The following VWA2 variants were observed in gnomAD, a reference collection of about 807,000 sequenced individuals.
VWA2 encodes the protein von Willebrand factor A domain containing 2, also known as von Willebrand factor A domain-containing protein 2.
A neutral mutation model predicts 70.4 loss-of-function variants in VWA2; 73 were observed. That is an observed-to-expected ratio of 1.04 (90% CI 0.86 to 1.26). The LOEUF is 1.26. Among genes scored for constraint, VWA2 ranks in the 50% most tolerant of loss-of-function variants. The pLI, the probability that VWA2 is intolerant of heterozygous loss-of-function variation, is 0.00. For synonymous variants in VWA2, 407 were observed against 423.3 expected, an observed-to-expected ratio of 0.96 and a Z score of 0.47; for missense variants, 1,011 against 998.5, an observed-to-expected ratio of 1.01 and a Z score of -0.17.
Position 114,277,811 on chromosome 10 carries a change from C to G in VWA2, c.567-103C>G, listed in dbSNP as rs554837108. ...GCTATGGGTCTGACAAAACCAGACACTAAATCTGTGCTGCCATCCACAAGG... is the reference window on the plus strand; with the variant it reads ...GCTATGGGTCTGACAAAACCAGACAGTAAATCTGTGCTGCCATCCACAAGG... On this transcript the variant is annotated intron_variant, in intron 6 of 13. Coordinates refer to ENST00000392982, the MANE Select transcript of VWA2 (RefSeq NM_001272046.2). 8.1e-4 allele frequency: 1,142 copies of G among 1,412,964 alleles called. 28 individuals are homozygous for G. The South Asian group carries it at 0.017, about 21-fold the overall frequency. The allele number at this position is 1,412,964 out of a possible 1,614,324, so 87.5% of individuals were successfully genotyped here.
At chr10:114,256,932 ATTAAG>A in intron 4 of VWA2, among the ~76,000 whole-genome samples, 1 of 144,232 alleles carries the variant, frequency 6.9e-6, no homozygotes, top group Non-Finnish European at 1.5e-5. Flanking sequence ...AAAAAAAAAA[ATTAAG>A]AGATGATGTA....
At chr10:114,283,730 C>T (rs1413304149) in intron 9 of VWA2, among the ~76,000 whole-genome samples, 2 of 152,252 alleles carry the variant, frequency 1.3e-5, no homozygotes, top group Non-Finnish European at 2.9e-5. Flanking sequence ...GTGCTTAGCA[C>T]AGTCCCTGGC....
chr10:114,279,580 G>A (rs942313401), intron 8 of VWA2, among the ~76,000 whole-genome samples: 4 of 152,172 alleles, frequency 2.6e-5, no homozygotes, highest in African/African-American at 9.7e-5. Context: ...TCCAAAGACT[G>A]TTTCTCTGGG....
chr10:114,246,063 G>GCCCCCAC, intron 1 of VWA2: 2 of 526,342 alleles, frequency 3.8e-6, no homozygotes, highest in South Asian at 1.7e-5. Flanking sequence ...TGGACTACCT[G>GCCCCCAC]CCCCCGCCCC....
At chr10:114,272,642 C>T in intron 5 of VWA2, 98 bp from the exon 6 acceptor site, 1 of 1,116,892 alleles carries the variant, frequency 9.0e-7, no homozygotes, top group Non-Finnish European at 1.3e-6. Flanking sequence ...CTACCTTTCG[C>T]TAATAACGGA....
At chr10:114,242,748 A>G (rs1473273982) in intron 1 of VWA2, among the ~76,000 whole-genome samples, 1 of 152,202 alleles carries the variant, frequency 6.6e-6, no homozygotes, top group African/African-American at 2.4e-5. Context: ...TCATCTATAA[A>G]GATGTAAATG....
chr10:114,272,775 A>G lies in VWA2; in HGVS notation c.407A>G (p.Tyr136Cys), dbSNP rs138277706. The G allele has an allele frequency of 6.2e-7, 1 of 1,611,968 alleles. No homozygotes were observed. The highest frequency in any genetic ancestry group is 1.3e-5 in the African/African-American group (1 of 74,796). Residue 136 changes from tyrosine (Y) to cysteine (C), a missense_variant, in exon 6 of 14, where the codon TAC becomes TGC. Coordinates refer to ENST00000392982, the MANE Select transcript of VWA2 (RefSeq NM_001272046.2). ...ACGGAGACGGAACTTGCTCTGAAAT[A>G]CCTTCTGCACAGAGGGTTGCCTGGA... ...GRTETELALK[Y>C]LLHRGLPGGR...
intron 4 of VWA2, among the ~76,000 whole-genome samples, chr10:114,256,982 T>A (rs2037345191): frequency 6.6e-6 from 1 of 151,592 alleles, no homozygotes; most frequent in Non-Finnish European, 1.5e-5. Context: ...GATGAGAGAC[T>A]GGTTGCATAC....
At chr10:114,262,573 A>C (rs1193822027) in intron 5 of VWA2, among the ~76,000 whole-genome samples, 1 of 151,948 alleles carries the variant, frequency 6.6e-6, no homozygotes, top group Non-Finnish European at 1.5e-5. Flanking sequence ...TCCCATTGCA[A>C]AGGCTCTGAG....
chr10:114,250,233 A>G (rs1360954228), intron 2 of VWA2, among the ~76,000 whole-genome samples: 1 of 152,224 alleles, frequency 6.6e-6, no homozygotes, highest in African/African-American at 2.4e-5. Flanking sequence ...ACATTCTTTA[A>G]CATTCTTTAT....
rs597371 is a variant in VWA2, at chr10:114,272,760, A to G, written c.392A>G (p.Glu131Gly). The change falls in exon 6 of 14, where the codon GAA (glutamate) becomes GGA (glycine). Residue 131 changes from glutamate to glycine, a missense_variant. Transcript: ENST00000392982. ...CACAGAGGAGGGCGCACGGAGACGG[A>G]ACTTGCTCTGAAATACCTTCTGCAC... is the stretch of plus-strand genomic sequence containing the variant. ...MVFKGGRTETELALKYLLHRG... is the reference protein window; with the variant it reads ...MVFKGGRTETGLALKYLLHRG... The G allele has an allele frequency of 0.46, 738,828 of 1,608,198 alleles. 175,882 individuals are homozygous for G. The highest frequency in any genetic ancestry group is 0.82 in the African/African-American group (61,355 of 74,730).
chr10:114,288,818 C>T (rs2039224854), intron 11 of VWA2, 120 bp from the exon 12 acceptor site: 2 of 960,840 alleles, frequency 2.1e-6, no homozygotes, highest in African/African-American at 1.6e-5. Context: ...AGGGTGTATT[C>T]TGCAGTGAAC....
rs766979069 is a variant in VWA2 at position 114,254,928 on chromosome 10, G to T, written c.141G>T (p.Ser47=). The part of the protein sequence containing the change: ...ISAASKMMWC[S]AAVDIMFLLD... ...CGCTCTCCCTAGTGATGTGGTGCTCGGCTGCAGTGGACATCATGTTTCTGT... is the reference window on the plus strand; with the variant it reads ...CGCTCTCCCTAGTGATGTGGTGCTCTGCTGCAGTGGACATCATGTTTCTGT... Residue 47 remains serine (S), a synonymous_variant, in exon 4 of 14, where the codon TCG becomes TCT. Coordinates refer to ENST00000392982, the MANE Select transcript of VWA2 (RefSeq NM_001272046.2). The T allele has an allele frequency of 6.2e-7, 1 of 1,613,356 alleles. No individual in the cohort carries two copies. The highest frequency in any genetic ancestry group is 8.5e-7 in the Non-Finnish European group (1 of 1,179,906).
intron 5 of VWA2, among the ~76,000 whole-genome samples, chr10:114,261,817 C>T (rs1162493994): frequency 6.6e-6 from 1 of 152,090 alleles, no homozygotes; most frequent in Non-Finnish European, 1.5e-5. Context: ...AAAGAAATAC[C>T]TGAGGCTGGG....
intron 1 of VWA2, among the ~76,000 whole-genome samples, chr10:114,244,688 T>C (rs188986596): frequency 1.3e-3 from 203 of 152,252 alleles, no homozygotes; most frequent in African/African-American, 4.6e-3. Flanking sequence ...ATTAGTATTG[T>C]AGGAAAATTT....
intron 5 of VWA2, among the ~76,000 whole-genome samples, chr10:114,269,885 G>A (rs997189641): frequency 4.6e-5 from 7 of 152,186 alleles, no homozygotes; most frequent in Non-Finnish European, 1.0e-4. Context: ...GTGGGTAGAG[G>A]AGCAGGTTGC....
intron 5 of VWA2, among the ~76,000 whole-genome samples, chr10:114,263,114 C>G (rs147191931): frequency 2.1e-3 from 315 of 152,268 alleles, no homozygotes; most frequent in African/African-American, 7.0e-3. Context: ...CTCCCAGGCT[C>G]AAGCCATCCT....
At chr10:114,239,870 A>C (rs1222626245) in intron 1 of VWA2, among the ~76,000 whole-genome samples, 1 of 152,158 alleles carries the variant, frequency 6.6e-6, no homozygotes, top group Non-Finnish European at 1.5e-5. Context: ...TGCGGTCAGC[A>C]GGTAAGTGGG....
At chr10:114,266,426 C>T (rs932369400) in intron 5 of VWA2, among the ~76,000 whole-genome samples, 1 of 152,136 alleles carries the variant, frequency 6.6e-6, no homozygotes, top group Admixed American at 6.5e-5. Context: ...TCCATCCCCT[C>T]GAGTGACAGT....
Sources: gnomAD v4.1 joint callset for allele counts (sites outside exome capture counted in the v4.1 genomes callset) on GRCh38, gnomAD v4.1.1 for gene constraint, MANE v1.5 for transcripts, NCBI Gene and HGNC (gene_info 2026-07-23, HGNC 2026-07-21) for gene names.